The following TPST2 variants were observed in gnomAD, a reference collection of about 807,000 sequenced individuals.
TPST2 encodes the protein protein-tyrosine sulfotransferase 2.
TPST2 carries 16 observed loss-of-function variants against 27.8 expected under a neutral mutation model. The ratio of observed to expected loss-of-function variants is 0.58; its 90% CI spans 0.39 to 0.88. TPST2 has a LOEUF of 0.88. Ranked by LOEUF, TPST2 falls within the 40% of genes least tolerant of loss-of-function variation. The pLI, the probability that TPST2 is intolerant of heterozygous loss-of-function variation, is 0.00. For missense variants in TPST2, 464 were observed against 543.1 expected, an observed-to-expected ratio of 0.85 and a Z score of 1.45; for synonymous variants, 229 against 231.7, an observed-to-expected ratio of 0.99 and a Z score of 0.10.
chr22:26,544,312 C>G (rs1230129474), intron 2 of TPST2, among the ~76,000 whole-genome samples: 2 of 152,210 alleles, frequency 1.3e-5, no homozygotes, highest in Non-Finnish European at 2.9e-5. Flanking sequence ...TGCTCCGTGA[C>G]ACTGGGCAAG....
At chr22:26,538,066 T>C (rs1925575181) in intron 3 of TPST2, among the ~76,000 whole-genome samples, 1 of 152,198 alleles carries the variant, frequency 6.6e-6, no homozygotes, top group Non-Finnish European at 1.5e-5. Context: ...ATGCAGATCT[T>C]ACCAATTATA....
chr22:26,550,011 G>A (rs1186651644), intron 1 of TPST2, among the ~76,000 whole-genome samples: 1 of 149,722 alleles, frequency 6.7e-6, no homozygotes. Context: ...CTGCACTTCA[G>A]CCTGGGTGAT....
chr22:26,558,482 G>A (rs1926918553), intron 1 of TPST2, among the ~76,000 whole-genome samples: 1 of 152,194 alleles, frequency 6.6e-6, no homozygotes, highest in African/African-American at 2.4e-5. Context: ...GAGGGAGATG[G>A]GAGAGAAGGG....
chr22:26,538,888 ACAC>A (rs1925636248), intron 3 of TPST2, among the ~76,000 whole-genome samples: 1 of 152,196 alleles, frequency 6.6e-6, no homozygotes, highest in African/African-American at 2.4e-5. Context: ...AAGGGCTCCC[ACAC>A]CACCGTGGAA....
intron 3 of TPST2, among the ~76,000 whole-genome samples, chr22:26,539,196 G>C (rs1925654278): frequency 6.6e-6 from 1 of 152,176 alleles, no homozygotes; most frequent in African/African-American, 2.4e-5. Flanking sequence ...CTCTGCTCTG[G>C]GCCTGGGAAG....
At position 26,581,790 on chromosome 22, in the gene TPST2, C is replaced by T. The variant is rs186158271; in HGVS notation, c.-161+8263G>A. Among the ~76,000 whole-genome samples, 3 of 152,284 alleles carry T rather than the reference C, an allele frequency of 2.0e-5. No homozygotes were observed. The East Asian group carries it at 5.8e-4, about 29-fold the overall frequency. The stretch of plus-strand genomic sequence containing the variant: ...CACTCACCAAATCAAAGTTTTATAA[C>T]TTGTAGGGACTCAAAAGATGATTAG... On this transcript the variant is annotated intron_variant, in intron 1 of 6. Coordinates refer to ENST00000338754, the MANE Select transcript of TPST2 (RefSeq NM_003595.5).
rs1315527649 is a variant in TPST2 at position 26,536,284 on chromosome 22, T to C, written c.1041+4A>G. Reference sequence around the variant, plus strand: ...CACTTCCACAAGTACAGGTGCACACTCACCCGCTGTGTGTTGTTGATGACG... The same window carrying C: ...CACTTCCACAAGTACAGGTGCACACCCACCCGCTGTGTGTTGTTGATGACG... On this transcript the variant is annotated splice_donor_region_variant and intron_variant, in intron 4 of 6. Coordinates refer to ENST00000338754, the MANE Select transcript of TPST2 (RefSeq NM_003595.5). 1 of 1,614,074 alleles carries C rather than the reference T, an allele frequency of 6.2e-7. No individual in the cohort carries two copies. Among genetic ancestry groups the C allele is most frequent in the Non-Finnish European group, 8.5e-7 (1 of 1,180,004 alleles).
intron 1 of TPST2, among the ~76,000 whole-genome samples, chr22:26,588,173 G>A: frequency 6.8e-6 from 1 of 146,706 alleles, no homozygotes; most frequent in Non-Finnish European, 1.5e-5. Flanking sequence ...AGAATATTAT[G>A]CAGCCATAAA....
chr22:26,554,302 T>C (rs1926658490), intron 1 of TPST2, among the ~76,000 whole-genome samples: 1 of 152,146 alleles, frequency 6.6e-6, no homozygotes, highest in South Asian at 2.1e-4. Flanking sequence ...CATCTCCCAG[T>C]CTTGCCCCTG....
rs184183782 is a variant in TPST2 at position 26,546,851 on chromosome 22, G to C, written c.-160-2176C>G. On this transcript the variant is annotated intron_variant, in intron 1 of 6. Coordinates refer to ENST00000338754, the MANE Select transcript of TPST2 (RefSeq NM_003595.5). The stretch of plus-strand genomic sequence containing the variant: ...ATCACTCTTGAACTAAGAATGATTT[G>C]TAAATTTTATCAAGGGAAGAGGGTG... Among the ~76,000 whole-genome samples the C allele has an allele frequency of 1.1e-4, 16 of 152,318 alleles. No homozygotes were observed. In the East Asian group the frequency reaches 3.1e-3, roughly 29 times the overall value.
chr22:26,581,147 TTC>T (rs2145937964), intron 1 of TPST2, among the ~76,000 whole-genome samples: 1 of 152,164 alleles, frequency 6.6e-6, no homozygotes, highest in Admixed American at 6.5e-5. Context: ...GCACTTGTGA[TTC>T]TCTCTCCTTG....
At position 26,536,317 on chromosome 22, in the gene TPST2, C is replaced by T. The variant is rs1185763236; in HGVS notation, c.1012G>A (p.Asp338Asn). ...TGTGTGTTGTTGATGACGAAGGGGTCAGGGTTGCCATAGTTGGGGGGGTTT... is the reference window on the plus strand; with the variant it reads ...TGTGTGTTGTTGATGACGAAGGGGTTAGGGTTGCCATAGTTGGGGGGGTTT... Reference protein sequence around the residue: ...YANPPNYGNPDPFVINNTQRV... With the variant: ...YANPPNYGNPNPFVINNTQRV... Residue 338 changes from aspartate (D) to asparagine (N), a missense_variant, in exon 4 of 7, where the codon GAC (aspartate) becomes AAC (asparagine). Asp to Asn is a conservative substitution (Grantham distance 23). Transcript: ENST00000338754. 6.2e-7 allele frequency: 1 copy of T among 1,614,134 alleles called. No homozygotes were observed. Among genetic ancestry groups the T allele is most frequent in the Non-Finnish European group, 8.5e-7 (1 of 1,180,014 alleles).
At chr22:26,561,252 T>C (rs963379818) in intron 1 of TPST2, among the ~76,000 whole-genome samples, 1 of 152,026 alleles carries the variant, frequency 6.6e-6, no homozygotes, top group Non-Finnish European at 1.5e-5. Context: ...AAAATTGAAA[T>C]GTAAGGCTGT....
At chr22:26,553,456 T>C (rs534124470) in intron 1 of TPST2, among the ~76,000 whole-genome samples, 2 of 151,826 alleles carry the variant, frequency 1.3e-5, no homozygotes, top group African/African-American at 4.8e-5. Context: ...ACTGCAGCCT[T>C]GAAACTCCTG....
At chr22:26,584,956 CA>C (rs754377704) in intron 1 of TPST2, among the ~76,000 whole-genome samples, 41 of 152,304 alleles carry the variant, frequency 2.7e-4, no homozygotes, top group Admixed American at 1.0e-3. Context: ...TTCAAAATTC[CA>C]AAGAGCCTGT....
At chr22:26,544,345 A>T (rs1926011266) in intron 2 of TPST2, among the ~76,000 whole-genome samples, 1 of 152,198 alleles carries the variant, frequency 6.6e-6, no homozygotes, top group Non-Finnish European at 1.5e-5. Context: ...TTTGGGACTC[A>T]GCCTTCTCTC....
chr22:26,563,746 A>T (rs192545278), intron 1 of TPST2, among the ~76,000 whole-genome samples: 1 of 152,216 alleles, frequency 6.6e-6, no homozygotes, highest in African/African-American at 2.4e-5. Context: ...ATGACATACC[A>T]TCACAAAGGA....
At chr22:26,588,698 TAAACCCA>T (rs1208659166) in intron 1 of TPST2, among the ~76,000 whole-genome samples, 33 of 152,134 alleles carry the variant, frequency 2.2e-4, no homozygotes, top group African/African-American at 8.0e-4. Context: ...GACAATGAAA[TAAACCCA>T]GCTTTACAGT....
At chr22:26,550,520 G>C in intron 1 of TPST2, 1 of 906,386 alleles carries the variant, frequency 1.1e-6, no homozygotes, top group Non-Finnish European at 1.3e-6. Context: ...AAAAGCGGCA[G>C]GGGGGCAGGG....
Sources: gnomAD v4.1 joint callset for allele counts (sites outside exome capture counted in the v4.1 genomes callset) on GRCh38, gnomAD v4.1.1 for gene constraint, MANE v1.5 for transcripts, NCBI Gene and HGNC (gene_info 2026-07-23, HGNC 2026-07-21) for gene names.